C4orf50: variants seen among roughly 807,000 people sequenced by gnomAD.
The protein encoded by C4orf50 is chromosome 4 open reading frame 50.
A neutral mutation model predicts 77.2 loss-of-function variants in C4orf50; 80 were observed. The ratio of observed to expected loss-of-function variants is 1.04; its 90% confidence interval spans 0.87 to 1.25. C4orf50 has a LOEUF of 1.25. C4orf50 is among the 50% of genes most tolerant of loss of function. The pLI is 0.00. For synonymous variants in C4orf50, 532 were observed against 465.3 expected (o/e 1.14, Z -1.84); for missense variants, 1,257 against 1,152.9 (o/e 1.09, Z -1.31).
Position 5,905,273 on chromosome 4 carries a change from A to G in C4orf50, c.*2475-7085T>C, listed in dbSNP as rs73065543. On this transcript the variant is annotated intron_variant, in intron 7 of 7. Coordinates refer to the C4orf50 transcript ENST00000324058. The surrounding 1 kb of genome is among the most constrained non-coding windows in gnomAD (Gnocchi z 5.4). ...TCTCTTGGGTCCCCAGGTTGGTATC[A>G]TACAGAGTAGAAGTATTCCCTATTA... 5.8e-4 allele frequency: 89 copies of G among 152,340 alleles called. No individual in the cohort carries two copies. The highest frequency in any genetic ancestry group is 2.0e-3 in the African/African-American group (83 of 41,580). The allele number at this position is 152,340 out of a possible 1,614,324, so 9.4% of individuals were successfully genotyped here. A position where few individuals can be genotyped will look rare whatever the true frequency, so the allele number is the denominator to read the frequency against.
At chr4:5,897,889 G>GA (rs1716190212) in exon 8 of C4orf50, 1 of 152,186 alleles carries the variant, frequency 6.6e-6, no homozygotes, top group Admixed American at 6.5e-5. Context: ...AGAGCTTCCG[G>GA]AGGGGAGGTG....
intron 23 of C4orf50, among the ~76,000 whole-genome samples, chr4:6,012,270 A>C (rs1935201704): frequency 6.6e-6 from 1 of 152,184 alleles, no homozygotes. Flanking sequence ...AGCTTGAGTC[A>C]TTTAGGCTAA....
At chr4:6,004,066 G>A (rs1465161427) in intron 25 of C4orf50, among the ~76,000 whole-genome samples, 1 of 54,794 alleles carries the variant, frequency 1.8e-5, no homozygotes, top group East Asian at 4.1e-4. Context: ...GGTGATGATG[G>A]TGATGGTGAT....
At chr4:6,004,197 GTGATGGTGA>G (rs1560598690) in intron 25 of C4orf50, among the ~76,000 whole-genome samples, 1 of 34,546 alleles carries the variant, frequency 2.9e-5, no homozygotes, top group African/African-American at 9.8e-5. Context: ...GGTGATGATG[GTGATGGTGA>G]TGATGGTGAT....
At chr4:6,003,600 G>A (rs1285459805) in intron 25 of C4orf50, among the ~76,000 whole-genome samples, 3 of 142,962 alleles carry the variant, frequency 2.1e-5, no homozygotes, top group African/African-American at 8.0e-5. Context: ...GTTGATGGTG[G>A]TGATGGTGAT....
rs1375197745 is a variant in C4orf50 at position 5,905,696 on chromosome 4, A to G, written c.*2475-7508T>C. ...ATTTGGGGTGCTTCAGACCCTTGAC[A>G]TGATATGGAAATTTTATGTTACTAA... On this transcript the variant is annotated intron_variant, in intron 7 of 7. Transcript: ENST00000324058. This position sits in a 1 kb window ranked among gnomAD's most constrained non-coding sequence, Gnocchi z 5.4. 3.3e-5 allele frequency among the ~76,000 whole-genome samples: 5 copies of G among 152,220 alleles called. No homozygotes were observed. The highest frequency in any genetic ancestry group is 2.6e-4 in the Admixed American group (4 of 15,282).
intron 31 of C4orf50, among the ~76,000 whole-genome samples, chr4:5,968,519 C>T (rs959882159): frequency 3.3e-5 from 5 of 152,146 alleles, no homozygotes; most frequent in Non-Finnish European, 5.9e-5. Context: ...GTCACCCTTT[C>T]GACACTGTTG....
At chr4:6,001,275 G>A (rs1271033250) in intron 25 of C4orf50, among the ~76,000 whole-genome samples, 3 of 152,104 alleles carry the variant, frequency 2.0e-5, no homozygotes, top group South Asian at 4.1e-4. Context: ...TCAGCCTCCC[G>A]AGTAGCTGGG....
At chr4:5,950,891 A>ATGGG (rs1397592241) in intron 7 of C4orf50, among the ~76,000 whole-genome samples, 11 of 152,202 alleles carry the variant, frequency 7.2e-5, no homozygotes, top group Non-Finnish European at 1.5e-4. Context: ...GAATGAATGG[A>ATGGG]TGGGTGGATG....
intron 7 of C4orf50, among the ~76,000 whole-genome samples, chr4:5,936,949 G>A (rs1177808114): frequency 6.6e-6 from 1 of 151,822 alleles, no homozygotes; most frequent in East Asian, 1.9e-4. Flanking sequence ...GAAGACAGTG[G>A]AATAGCATTG....
At chr4:5,937,560 T>G (rs1718080630) in intron 7 of C4orf50, among the ~76,000 whole-genome samples, 1 of 152,194 alleles carries the variant, frequency 6.6e-6, no homozygotes, top group South Asian at 2.1e-4. Flanking sequence ...TCAGCTATAA[T>G]GTATATATTA....
At chr4:5,950,924 G>A (rs1471022889) in intron 7 of C4orf50, among the ~76,000 whole-genome samples, 3 of 152,192 alleles carry the variant, frequency 2.0e-5, no homozygotes, top group South Asian at 2.1e-4. Context: ...AATTACCTAC[G>A]GCATTAAGGC....
chr4:5,981,718 T>G (rs939799187), intron 28 of C4orf50, among the ~76,000 whole-genome samples: 6 of 152,252 alleles, frequency 3.9e-5, no homozygotes, highest in African/African-American at 1.2e-4. Context: ...ATGAGCATCT[T>G]TAAGCTCTTG....
chr4:5,978,291 T>C (rs1290641198), intron 29 of C4orf50, among the ~76,000 whole-genome samples: 2 of 147,346 alleles, frequency 1.4e-5, no homozygotes, highest in African/African-American at 5.1e-5. Context: ...GGAATTACAT[T>C]ACAAAAATTT....
chr4:6,004,216 TG>T (rs1722075153), intron 25 of C4orf50, among the ~76,000 whole-genome samples: 1 of 105,208 alleles, frequency 9.5e-6, no homozygotes, highest in Non-Finnish European at 2.1e-5. Flanking sequence ...ATGATGGTGA[TG>T]GTGATGATGT....
At chr4:5,936,788 T>G (rs1394231180) in intron 7 of C4orf50, among the ~76,000 whole-genome samples, 1 of 151,344 alleles carries the variant, frequency 6.6e-6, no homozygotes, top group Non-Finnish European at 1.5e-5. Context: ...GAACCCCAGG[T>G]AGGATAGATA....
intron 7 of C4orf50, among the ~76,000 whole-genome samples, chr4:5,947,655 C>A (rs1718539724): frequency 2.0e-5 from 3 of 152,064 alleles, no homozygotes; most frequent in African/African-American, 7.2e-5. Flanking sequence ...CCCACACTCA[C>A]AGCCCTTCCT....
At position 6,009,698 on chromosome 4, in the gene C4orf50, A is replaced by C. The variant is rs1722409270; in HGVS notation, c.427-1166T>G. On this transcript the variant is annotated intron_variant, in intron 24 of 33. Transcript: ENST00000531445. This position sits in a 1 kb window ranked among gnomAD's most constrained non-coding sequence, Gnocchi z 5.6. ...GAAACATTGGCAGCAACAAAGCAAA[A>C]CTGCCATTTGGTACATACAGGTGCA... Among the ~76,000 whole-genome samples the C allele has an allele frequency of 6.6e-6, 1 of 152,186 alleles. No individual in the cohort carries two copies. The highest frequency in any genetic ancestry group is 1.5e-5 in the Non-Finnish European group (1 of 68,028).
chr4:5,968,997 C>T (rs937591924), intron 31 of C4orf50, among the ~76,000 whole-genome samples: 5 of 152,134 alleles, frequency 3.3e-5, no homozygotes, highest in Non-Finnish European at 5.9e-5. Context: ...CCTGCCTCTG[C>T]CACTCACTGA....
Sources: allele counts gnomAD v4.1 joint callset (sites outside exome capture counted in the v4.1 genomes callset), GRCh38; gene constraint gnomAD v4.1.1; non-coding constraint Gnocchi (gnomAD v3.1); transcripts MANE v1.5; gene names NCBI Gene and HGNC (gene_info 2026-07-23, HGNC 2026-07-21).